DLG2: variants seen among roughly 807,000 people sequenced by gnomAD.
DLG2 encodes the protein discs large MAGUK scaffold protein 2, also known as disks large homolog 2.
DLG2 carries 45 observed loss-of-function variants against 132.5 expected under a neutral mutation model. The observed-to-expected ratio is 0.34, with a 90% confidence interval of 0.27 to 0.44. DLG2 has a LOEUF of 0.44. DLG2 is among the 20% of genes least tolerant of loss of function. The pLI is 1.00. For synonymous variants in DLG2, 424 were observed against 419.6 expected, an observed-to-expected ratio of 1.01 and a Z score of -0.13; for missense variants, 1,045 against 1,196.9, an observed-to-expected ratio of 0.87 and a Z score of 1.87.
intron 6 of DLG2, among the ~76,000 whole-genome samples, chr11:84,973,962 C>A (rs2054491792): frequency 6.6e-6 from 1 of 152,200 alleles, no homozygotes. Context: ...AGAAGTTCAG[C>A]AAGCTGTATT....
At chr11:85,602,627 C>T (rs2080249251) in intron 2 of DLG2, among the ~76,000 whole-genome samples, 1 of 151,940 alleles carries the variant, frequency 6.6e-6, no homozygotes, top group African/African-American at 2.4e-5. Context: ...AACCCAATAG[C>T]CAAAAATATC....
chr11:84,126,755 A>G (rs907734879), intron 9 of DLG2, among the ~76,000 whole-genome samples: 3 of 152,188 alleles, frequency 2.0e-5, no homozygotes, highest in Admixed American at 2.0e-4. Flanking sequence ...TTTCCTTTGT[A>G]GTACTTAATT....
At chr11:85,380,347 T>G (rs1347128209) in intron 3 of DLG2, among the ~76,000 whole-genome samples, 1 of 152,226 alleles carries the variant, frequency 6.6e-6, no homozygotes, top group Non-Finnish European at 1.5e-5. Context: ...TCAACTATAC[T>G]GAATAAAAGA....
intron 24 of DLG2, 121 bp from the exon 25 acceptor site, chr11:83,469,494 T>C (rs2091710590): frequency 2.8e-6 from 2 of 719,634 alleles, no homozygotes; most frequent in Non-Finnish European, 4.4e-6. Flanking sequence ...TGAAGAAATA[T>C]GACATAGTAA....
At chr11:84,896,950 T>C (rs2090274409) in intron 6 of DLG2, among the ~76,000 whole-genome samples, 1 of 151,862 alleles carries the variant, frequency 6.6e-6, no homozygotes, top group Non-Finnish European at 1.5e-5. Flanking sequence ...ATATCCCCTG[T>C]GGCTAAGGAC....
chr11:85,609,052 G>T (rs539582809), intron 2 of DLG2, among the ~76,000 whole-genome samples: 7 of 152,270 alleles, frequency 4.6e-5, no homozygotes, highest in African/African-American at 1.7e-4. Flanking sequence ...AGATCATGGG[G>T]ACTGGAGTCA....
At chr11:83,659,458 G>A (rs761209614) in intron 18 of DLG2, among the ~76,000 whole-genome samples, 1 of 152,100 alleles carries the variant, frequency 6.6e-6, no homozygotes. Flanking sequence ...CTTTACTCCT[G>A]AATCTTTCAG....
intron 6 of DLG2, among the ~76,000 whole-genome samples, chr11:84,613,610 C>G (rs1468007908): frequency 6.6e-6 from 1 of 152,190 alleles, no homozygotes; most frequent in African/African-American, 2.4e-5. Flanking sequence ...ATCAACTACT[C>G]TTGTTATTGC....
intron 15 of DLG2, among the ~76,000 whole-genome samples, chr11:83,925,623 A>G (rs1425657257): frequency 6.6e-6 from 1 of 152,060 alleles, no homozygotes; most frequent in African/African-American, 2.4e-5. Flanking sequence ...TCCTTCAGTG[A>G]GTGAAGATGT....
intron 3 of DLG2, among the ~76,000 whole-genome samples, chr11:85,481,923 A>G (rs530030578): frequency 5.1e-4 from 78 of 151,858 alleles, no homozygotes; most frequent in African/African-American, 1.8e-3. Flanking sequence ...CTGCCCCAAC[A>G]CTATATAGGA....
chr11:83,850,968 A>G (rs1055276169), intron 16 of DLG2, among the ~76,000 whole-genome samples: 1 of 152,054 alleles, frequency 6.6e-6, no homozygotes, highest in African/African-American at 2.4e-5. Flanking sequence ...CGAGGTCAGG[A>G]GATCGAGATC....
chr11:83,998,520 C>T (rs907344074), intron 11 of DLG2, among the ~76,000 whole-genome samples: 6 of 152,142 alleles, frequency 3.9e-5, no homozygotes, highest in African/African-American at 1.4e-4. Flanking sequence ...TCCTGCTTGA[C>T]CAGGATCAGC....
intron 3 of DLG2, among the ~76,000 whole-genome samples, chr11:85,581,275 C>T (rs867256329): frequency 3.9e-5 from 6 of 152,072 alleles, no homozygotes; most frequent in Non-Finnish European, 8.8e-5. Context: ...CCCTTAACTC[C>T]GCTCATACCT....
At chr11:84,359,546 A>G (rs905920593) in intron 7 of DLG2, among the ~76,000 whole-genome samples, 3 of 151,918 alleles carry the variant, frequency 2.0e-5, no homozygotes, top group African/African-American at 7.2e-5. Context: ...TCCAAGTGAA[A>G]AAAAGTTCAA....
At chr11:84,243,464 T>C (rs942813809) in intron 8 of DLG2, among the ~76,000 whole-genome samples, 1 of 152,208 alleles carries the variant, frequency 6.6e-6, no homozygotes, top group African/African-American at 2.4e-5. Context: ...ATGGTAGCTA[T>C]CTCAACTGCA....
At position 83,615,597 on chromosome 11, in the gene DLG2, G is replaced by A. The variant is rs180707454; in HGVS notation, c.1940+17614C>T. Among the ~76,000 whole-genome samples the A allele has an allele frequency of 8.9e-4, 135 of 152,278 alleles. No individual in the cohort carries two copies. In the East Asian group the frequency reaches 0.016, roughly 18 times the overall value. On this transcript the variant is annotated intron_variant, in intron 19 of 27. Transcript: ENST00000376104. Reference sequence around the variant, plus strand: ...TGGAGATTATCCTGGATTATCCTTCGTGGATCCAATCTAATCACATCAATC... The same window carrying A: ...TGGAGATTATCCTGGATTATCCTTCATGGATCCAATCTAATCACATCAATC...
chr11:83,933,736 G>C (rs2154132909), intron 14 of DLG2, among the ~76,000 whole-genome samples: 1 of 152,174 alleles, frequency 6.6e-6, no homozygotes, highest in East Asian at 1.9e-4. Context: ...ATCAAATTCA[G>C]TTTCCTCCCT....
chr11:83,629,757 C>A (rs1307578806), intron 19 of DLG2, among the ~76,000 whole-genome samples: 1 of 152,204 alleles, frequency 6.6e-6, no homozygotes, highest in Middle Eastern at 3.4e-3. Flanking sequence ...TCTTCCAAGG[C>A]AGTGAACGAG....
chr11:83,795,416 A>AAATCTATATCTATATCTATATATAT (rs1555409459), intron 17 of DLG2, among the ~76,000 whole-genome samples: 1 of 136,254 alleles, frequency 7.3e-6, no homozygotes, highest in Admixed American at 7.4e-5. Flanking sequence ...TAAGAAAAAA[A>AAATCTATATCTATATCTATATATAT]ATATCTATAT....
Sources: allele counts gnomAD v4.1 joint callset (sites outside exome capture counted in the v4.1 genomes callset), GRCh38; gene constraint gnomAD v4.1.1; transcripts MANE v1.5; gene names NCBI Gene and HGNC (gene_info 2026-07-23, HGNC 2026-07-21).